The following COMMD1 variants were observed in gnomAD, a reference collection of about 807,000 sequenced individuals.
COMMD1 encodes COMM domain-containing protein 1.
COMMD1 carries 10 observed loss-of-function variants against 17.2 expected under a neutral mutation model. That is an observed-to-expected ratio of 0.58 (90% CI 0.36 to 0.99). COMMD1 has a LOEUF of 0.99. Ranked by LOEUF, COMMD1 falls within the 50% of genes least tolerant of loss-of-function variation. The pLI is 0.01. For missense variants in COMMD1, 270 were observed against 231.8 expected, an observed-to-expected ratio of 1.17 and a Z score of -1.07; for synonymous variants, 97 against 91.6, an observed-to-expected ratio of 1.06 and a Z score of -0.34.
intron 2 of COMMD1, among the ~76,000 whole-genome samples, chr2:62,062,694 G>A (rs1440998567): frequency 1.3e-5 from 2 of 151,992 alleles, no homozygotes; most frequent in Non-Finnish European, 2.9e-5. Context: ...AAAAATCTCT[G>A]TTCATTTATG....
At chr2:61,889,795 A>C (rs951475418) in intron 1 of COMMD1, among the ~76,000 whole-genome samples, 5 of 152,186 alleles carry the variant, frequency 3.3e-5, no homozygotes, top group South Asian at 2.1e-4. Flanking sequence ...TGTCTCCTGC[A>C]TGACGTAGCC....
intron 2 of COMMD1, among the ~76,000 whole-genome samples, chr2:62,125,353 G>T (rs1424014423): frequency 2.0e-5 from 3 of 152,172 alleles, no homozygotes; most frequent in African/African-American, 7.2e-5. Flanking sequence ...GAGTTTGGGG[G>T]TGAGTCATTT....
At chr2:61,964,536 T>G (rs959420134) in intron 1 of COMMD1, among the ~76,000 whole-genome samples, 16 of 152,072 alleles carry the variant, frequency 1.1e-4, no homozygotes, top group African/African-American at 3.9e-4. Context: ...ATTTTTGTGT[T>G]TGTAATAAAG....
At chr2:61,985,632 T>G (rs1230421112) in intron 1 of COMMD1, among the ~76,000 whole-genome samples, 1 of 152,184 alleles carries the variant, frequency 6.6e-6, no homozygotes, top group Non-Finnish European at 1.5e-5. Context: ...TTTTTCTGTA[T>G]CCTTTATATC....
chr2:62,090,567 T>C (rs897626925), intron 2 of COMMD1: 17 of 152,230 alleles, frequency 1.1e-4, no homozygotes, highest in African/African-American at 3.1e-4. Flanking sequence ...AAATCTATTT[T>C]TCCAACCACT....
chr2:61,950,450 T>TA (rs1258839718), intron 1 of COMMD1, among the ~76,000 whole-genome samples: 1 of 152,218 alleles, frequency 6.6e-6, no homozygotes, highest in Non-Finnish European at 1.5e-5. Context: ...TAGTCAGAGA[T>TA]AAAAGGTTTA....
intron 1 of COMMD1, among the ~76,000 whole-genome samples, chr2:61,898,395 G>C (rs1405525418): frequency 3.3e-5 from 5 of 152,224 alleles, no homozygotes; most frequent in Non-Finnish European, 5.9e-5. Context: ...AGGATAGCTT[G>C]AGCCAGGGAG....
At chr2:61,959,344 C>T (rs1308091610) in intron 1 of COMMD1, among the ~76,000 whole-genome samples, 2 of 151,870 alleles carry the variant, frequency 1.3e-5, no homozygotes, top group Non-Finnish European at 2.9e-5. Flanking sequence ...CAATGGAAAC[C>T]TTAATAGTAT....
chr2:62,039,725 C>G (rs1669983862), intron 2 of COMMD1, among the ~76,000 whole-genome samples: 1 of 152,156 alleles, frequency 6.6e-6, no homozygotes, highest in South Asian at 2.1e-4. Context: ...TATTTTCTAT[C>G]TTTTGGAAGT....
At chr2:61,907,401 G>A (rs1475105752) in intron 1 of COMMD1, among the ~76,000 whole-genome samples, 7 of 152,076 alleles carry the variant, frequency 4.6e-5, no homozygotes, top group African/African-American at 7.2e-5. Context: ...CACCCGGCCC[G>A]GCCAAATGCT....
chr2:62,108,450 G>A (rs922624953), intron 2 of COMMD1, among the ~76,000 whole-genome samples: 2 of 152,128 alleles, frequency 1.3e-5, no homozygotes, highest in African/African-American at 4.8e-5. Context: ...TTAACAAAAA[G>A]TGGTAAATTG....
intron 2 of COMMD1, among the ~76,000 whole-genome samples, chr2:62,067,185 A>G (rs1383221501): frequency 2.0e-5 from 3 of 151,782 alleles, no homozygotes; most frequent in Non-Finnish European, 2.9e-5. Context: ...AGATGGTGCC[A>G]CTGCATTCCA....
chr2:62,034,392 C>T (rs1043364553), intron 2 of COMMD1, among the ~76,000 whole-genome samples: 2 of 151,916 alleles, frequency 1.3e-5, no homozygotes, highest in Admixed American at 6.6e-5. Flanking sequence ...CCCAGCTACT[C>T]GGGAAGCTGA....
chr2:62,048,238 A>G (rs568614569), intron 2 of COMMD1, among the ~76,000 whole-genome samples: 1 of 144,980 alleles, frequency 6.9e-6, no homozygotes, highest in Non-Finnish European at 1.5e-5. Context: ...GCTGGAGTGC[A>G]GTGGCGCGAT....
At chr2:61,953,271 A>G (rs1450716431) in intron 1 of COMMD1, among the ~76,000 whole-genome samples, 2 of 151,972 alleles carry the variant, frequency 1.3e-5, no homozygotes, top group African/African-American at 2.4e-5. Context: ...CGGCCTCCCA[A>G]CGTGCTGCTG....
chr2:62,099,576 T>C (rs1324778422), intron 2 of COMMD1, among the ~76,000 whole-genome samples: 1 of 151,056 alleles, frequency 6.6e-6, no homozygotes, highest in Admixed American at 6.6e-5. Flanking sequence ...TCTCTCTCTT[T>C]TTTTTTTTTT....
At chr2:62,038,689 C>A (rs959485716) in intron 2 of COMMD1, among the ~76,000 whole-genome samples, 1 of 152,094 alleles carries the variant, frequency 6.6e-6, no homozygotes, top group Admixed American at 6.6e-5. Context: ...GCTGGACTTA[C>A]AGGCATACAT....
chr2:62,085,903 G>A (rs1177777425), intron 2 of COMMD1, among the ~76,000 whole-genome samples: 4 of 152,088 alleles, frequency 2.6e-5, no homozygotes, highest in African/African-American at 9.7e-5. Context: ...GCGTGAACCC[G>A]GGAGGCGGAG....
At chr2:62,070,160 C>G (rs1671160220) in intron 2 of COMMD1, 1 of 152,174 alleles carries the variant, frequency 6.6e-6, no homozygotes, top group Non-Finnish European at 1.5e-5. Context: ...TAGAACAACT[C>G]ACAGAACTCA....
Sources: gnomAD v4.1 joint callset for allele counts (sites outside exome capture counted in the v4.1 genomes callset) on GRCh38, gnomAD v4.1.1 for gene constraint, MANE v1.5 for transcripts, NCBI Gene and HGNC (gene_info 2026-07-23, HGNC 2026-07-21) for gene names.